NLRC3: variants seen among roughly 807,000 people sequenced by gnomAD.
NLRC3 encodes the protein NLR family CARD domain containing 3.
In NLRC3, 87 loss-of-function variants were observed where a neutral mutation model predicts 91.6. That is an observed-to-expected ratio of 0.95 (90% CI 0.80 to 1.14). The LOEUF is 1.14. Among genes scored for constraint, NLRC3 ranks in the 50% most tolerant of loss-of-function variants. NLRC3 has a pLI of 0.00. For missense variants in NLRC3, 1,577 were observed against 1,418.6 expected (o/e 1.11, Z -1.79); for synonymous variants, 694 against 625.3 (o/e 1.11, Z -1.64).
In NLRC3 at chr16:3,563,457, G is replaced by A; in HGVS notation, c.1480C>T (p.His494Tyr). 2 of 1,581,646 alleles carry A rather than the reference G, an allele frequency of 1.3e-6. No individual in the cohort carries two copies. The highest frequency in any genetic ancestry group is 1.8e-5 in the Admixed American group (1 of 55,168). ...VSWPRLGFLT[H>Y]FRSAAQRAMQ... Reference sequence around the variant, plus strand: ...GCCCGCTGGGCTGCGCTCCTGAAATGCGTGAGGAAGCCCAGCCTGGGCCAG... The same window carrying A: ...GCCCGCTGGGCTGCGCTCCTGAAATACGTGAGGAAGCCCAGCCTGGGCCAG... Residue 494 changes from histidine (H) to tyrosine (Y), a missense_variant, in exon 5 of 20, where the codon CAT becomes TAT. Coordinates refer to ENST00000359128, the MANE Select transcript of NLRC3 (RefSeq NM_178844.4).
Position 3,540,877 on chromosome 16 carries a change from G to A in NLRC3, c.*948C>T, listed in dbSNP as rs1169908174. On this transcript the variant is annotated 3_prime_UTR_variant, in exon 20 of 20. Coordinates refer to ENST00000359128, the MANE Select transcript of NLRC3 (RefSeq NM_178844.4). ...GTGTGCCAGACTCCAGACAACATGT[G>A]CCAGGCATCACCCATGTCTTTGATT... 1 of 152,074 alleles carries A rather than the reference G, an allele frequency of 6.6e-6. No individual in the cohort carries two copies. Among genetic ancestry groups the A allele is most frequent in the African/African-American group, 2.4e-5 (1 of 41,388 alleles). 9.4% of individuals were successfully genotyped at this position (152,074 alleles called of 1,614,324 possible).
rs2039675100 is a variant in NLRC3 at position 3,562,954 on chromosome 16, T to C, written c.1928+55A>G. The C allele has an allele frequency of 4.1e-6, 6 of 1,475,108 alleles. No individual in the cohort carries two copies. The East Asian group carries it at 1.5e-4, about 36-fold the overall frequency. 91.4% of individuals were successfully genotyped at this position (1,475,108 alleles called of 1,614,324 possible). ...AGCTTGGTGGTGGGGAGGGGACGGC[T>C]TCTGCTCTCTCCTCTGCCCCTTCCC... On this transcript the variant is annotated intron_variant, in intron 5 of 19. Transcript: ENST00000359128.
At chr16:3,573,681 T>C (rs1291375409) in intron 1 of NLRC3, among the ~76,000 whole-genome samples, 3 of 152,178 alleles carry the variant, frequency 2.0e-5, no homozygotes, top group Admixed American at 2.0e-4. Flanking sequence ...GTGGAAGAAG[T>C]CTCAGCTCTG....
intron 1 of NLRC3, among the ~76,000 whole-genome samples, chr16:3,576,112 G>A (rs1035217082): frequency 6.6e-6 from 1 of 152,174 alleles, no homozygotes; most frequent in Admixed American, 6.5e-5. Context: ...AAGAAGAGGG[G>A]TGCAGCCTGC....
At chr16:3,556,640 G>T (rs996446286) in intron 8 of NLRC3, among the ~76,000 whole-genome samples, 5 of 152,112 alleles carry the variant, frequency 3.3e-5, no homozygotes, top group African/African-American at 4.8e-5. Flanking sequence ...GAGTTGCTGG[G>T]ATTACAGGCA....
At chr16:3,551,200 C>G (rs987040167) in intron 10 of NLRC3, among the ~76,000 whole-genome samples, 6 of 151,542 alleles carry the variant, frequency 4.0e-5, no homozygotes, top group Non-Finnish European at 7.4e-5. Flanking sequence ...ATCTACCCAC[C>G]CATCCATTCA....
intron 8 of NLRC3, among the ~76,000 whole-genome samples, chr16:3,555,622 T>G (rs1409085332): frequency 1.3e-5 from 2 of 151,992 alleles, no homozygotes; most frequent in Non-Finnish European, 2.9e-5. Context: ...CAGGCTGGAG[T>G]GCAGTGGCGC....
Position 3,556,890 on chromosome 16 carries a change from CAG to C in NLRC3, c.2183+19_2183+20del. 2 of 1,573,920 alleles carry C rather than the reference CAG, an allele frequency of 1.3e-6. No individual in the cohort carries two copies. The highest frequency in any genetic ancestry group is 1.7e-6 in the Non-Finnish European group (2 of 1,144,520). The stretch of plus-strand genomic sequence containing the variant: ...TGGGCCCTCTCTTGGGGTCACAACA[CAG>C]GGAGCAGGTGACACACACCTCAGGG... On this transcript the variant is annotated intron_variant, in intron 8 of 19. Coordinates refer to ENST00000359128, the MANE Select transcript of NLRC3 (RefSeq NM_178844.4).
intron 1 of NLRC3, among the ~76,000 whole-genome samples, chr16:3,569,313 C>CAA (rs772111559): frequency 1.5e-5 from 1 of 64,974 alleles, no homozygotes; most frequent in Non-Finnish European, 3.1e-5. Context: ...GACACCATCT[C>CAA]AAAAAAAAAA....
rs1162257078 is a variant in NLRC3 at position 3,539,553 on chromosome 16, G to C, written c.*2272C>G. ...CAGCGTTAGGTTTCTGTAGGGCCCA[G>C]CTTTCTCCAGTGTTTGGCTACTGCA... On this transcript the variant is annotated 3_prime_UTR_variant, in exon 20 of 20. Coordinates refer to ENST00000359128, the MANE Select transcript of NLRC3 (RefSeq NM_178844.4). 1 of 152,220 alleles carries C rather than the reference G, an allele frequency of 6.6e-6. No homozygotes were observed. The highest frequency in any genetic ancestry group is 1.5e-5 in the Non-Finnish European group (1 of 68,060). 9.4% of individuals were successfully genotyped at this position (152,220 alleles called of 1,614,324 possible).
At chr16:3,565,671 T>C (rs1401112298) in intron 2 of NLRC3, among the ~76,000 whole-genome samples, 1 of 151,946 alleles carries the variant, frequency 6.6e-6, no homozygotes, top group Non-Finnish European at 1.5e-5. Context: ...GTAACATGAC[T>C]CTGTAGGGTA....
chr16:3,551,478 CCCAT>C (rs938683457), intron 10 of NLRC3, among the ~76,000 whole-genome samples: 4 of 151,538 alleles, frequency 2.6e-5, no homozygotes, highest in East Asian at 2.0e-4. Flanking sequence ...CACATACCCA[CCCAT>C]CCATCCATCC....
chr16:3,573,671 G>A lies in NLRC3; in HGVS notation c.-169+3478C>T, dbSNP rs377439175. Among the ~76,000 whole-genome samples, 16 of 152,284 alleles carry A rather than the reference G, an allele frequency of 1.1e-4. No homozygotes were observed. In the East Asian group the frequency reaches 2.5e-3, roughly 24 times the overall value. On this transcript the variant is annotated intron_variant, in intron 1 of 19. Coordinates refer to ENST00000359128, the MANE Select transcript of NLRC3 (RefSeq NM_178844.4). Reference sequence around the variant, plus strand: ...GTGGCCAGGAGGATGAGAGGACTGCGTGGAAGAAGTCTCAGCTCTGGTAGG... The same window carrying A: ...GTGGCCAGGAGGATGAGAGGACTGCATGGAAGAAGTCTCAGCTCTGGTAGG...
chr16:3,543,238 A>T, intron 17 of NLRC3, 187 bp downstream of exon 17: 2 of 587,414 alleles, frequency 3.4e-6, no homozygotes. Flanking sequence ...CCCGGAGAGG[A>T]GGGCAAATGA....
At chr16:3,565,579 A>G (rs1362822736) in intron 2 of NLRC3, among the ~76,000 whole-genome samples, 199 bp from the exon 3 acceptor site, 1 of 151,724 alleles carries the variant, frequency 6.6e-6, no homozygotes, top group Non-Finnish European at 1.5e-5. Context: ...GGAGACAGGA[A>G]GACAGTGAAA....
chr16:3,565,293 G>A (rs921873285), intron 3 of NLRC3, 26 bp downstream of exon 3: 2 of 677,652 alleles, frequency 3.0e-6, no homozygotes, highest in Non-Finnish European at 5.4e-6. Flanking sequence ...GGGGCCCTGA[G>A]CTTGTACCCC....
In NLRC3 at chr16:3,565,469, CAAAAAAAAAAAAAA is replaced by C. The variant is rs57860901; in HGVS notation, c.-86-103_-86-90del. Reference sequence around the variant, plus strand: ...CTCTGTTGGAACATGTGGGAAAAAGCAAAAAAAAAAAAAAAAAAAAAAAAAAAAGGCAGCAGCAG... The same window carrying C: ...CTCTGTTGGAACATGTGGGAAAAAGCAAAAAAAAAAAAAAGGCAGCAGCAG... On this transcript the variant is annotated intron_variant, in intron 2 of 19. Transcript: ENST00000359128. 3.0e-3 allele frequency: 134 copies of C among 44,848 alleles called. 1 individual carries two copies. In the East Asian group the frequency reaches 0.039, roughly 13 times the overall value. The allele number at this position is 44,848 out of a possible 1,614,324, so 2.8% of individuals were successfully genotyped here. A position where few individuals can be genotyped will look rare whatever the true frequency, so the allele number is the denominator to read the frequency against.
At chr16:3,555,531 T>C (rs1344973219) in intron 8 of NLRC3, among the ~76,000 whole-genome samples, 3 of 152,078 alleles carry the variant, frequency 2.0e-5, no homozygotes, top group Admixed American at 6.6e-5. Context: ...TGGCACAACA[T>C]TGTGAATTTG....
chr16:3,574,354 G>A (rs966127845), intron 1 of NLRC3, among the ~76,000 whole-genome samples: 8 of 152,090 alleles, frequency 5.3e-5, no homozygotes, highest in Non-Finnish European at 8.8e-5. Context: ...TGATTGGTCT[G>A]GCAAGGGCCC....
Sources: gnomAD v4.1 joint callset for allele counts (sites outside exome capture counted in the v4.1 genomes callset) on GRCh38, gnomAD v4.1.1 for gene constraint, MANE v1.5 for transcripts, NCBI Gene and HGNC (gene_info 2026-07-23, HGNC 2026-07-21) for gene names.